PTPRD: variants seen among roughly 807,000 people sequenced by gnomAD.
PTPRD encodes the protein protein tyrosine phosphatase receptor type D.
In PTPRD, 34 loss-of-function variants were observed where a neutral mutation model predicts 214.5. That is an observed-to-expected ratio of 0.16 (90% CI 0.12 to 0.21). PTPRD has a LOEUF of 0.21. Among genes scored for constraint, PTPRD ranks in the 10% least tolerant of loss-of-function variants. PTPRD has a pLI of 1.00. For missense variants in PTPRD, 2,545 were observed against 2,398.7 expected (o/e 1.06, Z -1.27); for synonymous variants, 1,128 against 845.7 (o/e 1.33, Z -5.79).
chr9:9,080,914 G>A (rs1228809546), intron 10 of PTPRD, among the ~76,000 whole-genome samples: 7 of 151,638 alleles, frequency 4.6e-5, no homozygotes, highest in Non-Finnish European at 1.5e-5. Flanking sequence ...CTGGCTAGCG[G>A]TCTATTTTGT....
At chr9:8,458,053 GA>G (rs2096266787) in intron 33 of PTPRD, among the ~76,000 whole-genome samples, 1 of 152,086 alleles carries the variant, frequency 6.6e-6, no homozygotes, top group African/African-American at 2.4e-5. Flanking sequence ...TTCTATTTCA[GA>G]AATGCTTCAT....
chr9:9,985,722 T>A (rs968406711), intron 4 of PTPRD, among the ~76,000 whole-genome samples: 2 of 151,940 alleles, frequency 1.3e-5, no homozygotes, highest in African/African-American at 4.8e-5. Context: ...ATAAGTGATA[T>A]TAGAAAAATT....
Position 8,591,425 on chromosome 9 carries a change from T to C in PTPRD, c.352+41892A>G, listed in dbSNP as rs115995361. Among the ~76,000 whole-genome samples the C allele has an allele frequency of 6.4e-3, 976 of 152,300 alleles. 6 individuals carry two copies. The highest frequency in any genetic ancestry group is 0.022 in the African/African-American group (925 of 41,558). On this transcript the variant is annotated intron_variant, in intron 14 of 45. Transcript: ENST00000381196. ...ACACTCTTCTGTTGGGAGAGTTTAT[T>C]CAACTTCATTTTGACTTCACTGACT...
chr9:9,913,950 A>G (rs1045163299), intron 5 of PTPRD, among the ~76,000 whole-genome samples: 13 of 152,150 alleles, frequency 8.5e-5, no homozygotes, highest in Non-Finnish European at 1.8e-4. Flanking sequence ...CTTCATTATG[A>G]CAAGCCGACA....
At chr9:10,341,361 A>C (rs1402794442) in intron 2 of PTPRD, among the ~76,000 whole-genome samples, 1 of 151,994 alleles carries the variant, frequency 6.6e-6, no homozygotes, top group Non-Finnish European at 1.5e-5. Flanking sequence ...TGCTGAGTAC[A>C]TTGTCTAATT....
At chr9:10,212,965 C>A (rs892973688) in intron 3 of PTPRD, among the ~76,000 whole-genome samples, 2 of 152,138 alleles carry the variant, frequency 1.3e-5, no homozygotes, top group African/African-American at 4.8e-5. Context: ...TAGAATTTTG[C>A]ACAACGTAAC....
chr9:8,316,140 C>T lies in PTPRD; in HGVS notation c.*1734G>A, dbSNP rs568702396. 59 of 229,978 alleles carry T rather than the reference C, an allele frequency of 2.6e-4. 1 individual carries two copies. The highest frequency in any genetic ancestry group is 9.5e-5 in the Non-Finnish European group (11 of 115,820). The allele number at this position is 229,978 out of a possible 1,614,324, so 14.2% of individuals were successfully genotyped here. On this transcript the variant is annotated 3_prime_UTR_variant, in exon 46 of 46. Coordinates refer to ENST00000381196, the MANE Select transcript of PTPRD (RefSeq NM_002839.4). ...ATTGATTATAAAAGGAAGAAGGGCC[C>T]TGATTATCCAAGTGCTTTGGGCTGG... is the stretch of plus-strand genomic sequence containing the variant.
At chr9:8,824,252 G>A (rs965266359) in intron 11 of PTPRD, among the ~76,000 whole-genome samples, 2 of 152,186 alleles carry the variant, frequency 1.3e-5, no homozygotes, top group Non-Finnish European at 2.9e-5. Context: ...TATTTAAGAT[G>A]GAGTTGCTGT....
chr9:9,976,734 T>C (rs2095369734), intron 4 of PTPRD, among the ~76,000 whole-genome samples: 2 of 126,206 alleles, frequency 1.6e-5, no homozygotes, highest in South Asian at 2.7e-4. Context: ...TATGTCTAAA[T>C]AGTTAGTCAC....
intron 4 of PTPRD, among the ~76,000 whole-genome samples, chr9:9,939,192 C>T (rs146057654): frequency 9.9e-4 from 151 of 152,138 alleles, no homozygotes; most frequent in African/African-American, 3.5e-3. Context: ...GACCGCTTGA[C>T]CTCATGATAA....
At chr9:9,505,142 G>C (rs923286880) in intron 8 of PTPRD, among the ~76,000 whole-genome samples, 1 of 151,478 alleles carries the variant, frequency 6.6e-6, no homozygotes, top group African/African-American at 2.4e-5. Context: ...TTTGATATAG[G>C]TATTTCCCCT....
Position 9,564,892 on chromosome 9 carries a change from T to TG in PTPRD, c.-237+9839_-237+9840insC, listed in dbSNP as rs898088715. On this transcript the variant is annotated intron_variant, in intron 8 of 45. Transcript: ENST00000381196. ...AGAGACTTGAATCTTCTGTTTTTTTTTTTTTTTTTTTTTTTTTTTTTGCAG... is the reference window on the plus strand; with the variant it reads ...AGAGACTTGAATCTTCTGTTTTTTTTGTTTTTTTTTTTTTTTTTTTTTGCAG... Among the ~76,000 whole-genome samples the TG allele has an allele frequency of 1.1e-3, 147 of 132,900 alleles. 4 individuals carry two copies. Among genetic ancestry groups the TG allele is most frequent in the African/African-American group, 4.2e-3 (141 of 33,470 alleles). The allele number at this position is 132,900 out of a possible 152,430, so 87.2% of individuals were successfully genotyped here. A position where few individuals can be genotyped will look rare whatever the true frequency, so the allele number is the denominator to read the frequency against.
At chr9:10,373,722 G>A (rs1256155795) in intron 2 of PTPRD, among the ~76,000 whole-genome samples, 1 of 151,730 alleles carries the variant, frequency 6.6e-6, no homozygotes, top group Admixed American at 6.6e-5. Flanking sequence ...TACCTTTCTT[G>A]AGACATACCA....
At chr9:8,789,578 C>T (rs995491106) in intron 11 of PTPRD, among the ~76,000 whole-genome samples, 2 of 151,934 alleles carry the variant, frequency 1.3e-5, no homozygotes, top group Non-Finnish European at 2.9e-5. Context: ...GTTTAAATTC[C>T]GTTATTGGCA....
intron 11 of PTPRD, among the ~76,000 whole-genome samples, chr9:8,996,755 C>T (rs2099398367): frequency 6.6e-6 from 1 of 152,006 alleles, no homozygotes; most frequent in African/African-American, 2.4e-5. Flanking sequence ...GCCAAACAGG[C>T]TGAGCCTCAT....
chr9:8,419,220 A>G (rs1043878915), intron 35 of PTPRD, among the ~76,000 whole-genome samples: 2 of 145,198 alleles, frequency 1.4e-5, no homozygotes, highest in South Asian at 2.2e-4. Flanking sequence ...AGCATGACCC[A>G]CTCTCCAAAA....
intron 11 of PTPRD, among the ~76,000 whole-genome samples, chr9:8,954,734 G>T (rs2099122286): frequency 6.6e-6 from 1 of 151,666 alleles, no homozygotes; most frequent in African/African-American, 2.4e-5. Context: ...TGTTTTCTTG[G>T]GCATTTAGAT....
chr9:9,664,294 G>C (rs1468918732), intron 7 of PTPRD, among the ~76,000 whole-genome samples: 1 of 151,404 alleles, frequency 6.6e-6, no homozygotes, highest in African/African-American at 2.4e-5. Context: ...TGAATAACTT[G>C]ATAAAATATA....
intron 9 of PTPRD, among the ~76,000 whole-genome samples, chr9:9,244,691 A>C (rs887596680): frequency 6.6e-6 from 1 of 152,116 alleles, no homozygotes; most frequent in African/African-American, 2.4e-5. Flanking sequence ...CCCTAGAAGA[A>C]AACCTAGGCA....
Sources: gnomAD v4.1 joint callset for allele counts (sites outside exome capture counted in the v4.1 genomes callset) on GRCh38, gnomAD v4.1.1 for gene constraint, MANE v1.5 for transcripts, NCBI Gene and HGNC (gene_info 2026-07-23, HGNC 2026-07-21) for gene names.